Variants in CSGALNACT1 observed in about 807,000 individuals in gnomAD.
CSGALNACT1 encodes beta4GalNAcT-1.
A neutral mutation model predicts 51.0 loss-of-function variants in CSGALNACT1; 52 were observed. That is an observed-to-expected ratio of 1.02 (90% CI 0.82 to 1.29). The LOEUF (loss-of-function observed/expected upper bound fraction) is 1.29, where lower values mean the gene tolerates loss of function less well. CSGALNACT1 is among the 50% of genes most tolerant of loss of function. The pLI is 0.00. For synonymous variants in CSGALNACT1, 341 were observed against 254.4 expected, an observed-to-expected ratio of 1.34 and a Z score of -3.24; for missense variants, 935 against 679.2, an observed-to-expected ratio of 1.38 and a Z score of -4.19.
intron 3 of CSGALNACT1, among the ~76,000 whole-genome samples, chr8:19,574,289 A>G (rs562749888): frequency 2.6e-5 from 4 of 152,124 alleles, no homozygotes; most frequent in Non-Finnish European, 5.9e-5. Flanking sequence ...CCTGGAAACC[A>G]TCTCTCCTGC....
At chr8:19,598,582 G>A (rs150969279) in intron 2 of CSGALNACT1, among the ~76,000 whole-genome samples, 13 of 152,192 alleles carry the variant, frequency 8.5e-5, no homozygotes, top group East Asian at 3.9e-4. Flanking sequence ...AAATGATTGC[G>A]TCAGCTACTA....
upstream of CSGALNACT1, among the ~76,000 whole-genome samples, chr8:19,683,804 A>T (rs1425720744): frequency 6.7e-6 from 1 of 149,556 alleles, no homozygotes; most frequent in African/African-American, 2.5e-5. Context: ...AAGTCAAGAA[A>T]GTATTTTTTT....
intron 5 of CSGALNACT1, among the ~76,000 whole-genome samples, chr8:19,450,192 G>C (rs1423488055): frequency 2.5e-5 from 2 of 79,048 alleles, no homozygotes; most frequent in Admixed American, 2.5e-4. Context: ...AAGAGGGAGA[G>C]GGGGAGGGGA....
chr8:19,618,643 AAAAAAAAAAAAAAGAAAG>A (rs1484648427), intron 1 of CSGALNACT1, among the ~76,000 whole-genome samples: 1 of 147,532 alleles, frequency 6.8e-6, no homozygotes, highest in Non-Finnish European at 1.5e-5. Flanking sequence ...AAAAAAAAAA[AAAAAAAAAAAAAAGAAAG>A]AAAGAAAGAA....
At chr8:19,410,819 C>T (rs562457362) in intron 8 of CSGALNACT1, among the ~76,000 whole-genome samples, 18 of 152,324 alleles carry the variant, frequency 1.2e-4, no homozygotes, top group African/African-American at 3.4e-4. Flanking sequence ...TGTGGAAACT[C>T]ATCTGGTCAT....
chr8:19,688,415 G>T (rs1009655397), intron 1 of CSGALNACT1, among the ~76,000 whole-genome samples: 3 of 152,176 alleles, frequency 2.0e-5, no homozygotes, highest in African/African-American at 7.2e-5. Context: ...TGAAGGGGAA[G>T]GCAAGGGGTC....
intron 6 of CSGALNACT1, among the ~76,000 whole-genome samples, chr8:19,432,837 T>C (rs1364442984): frequency 2.0e-5 from 3 of 152,202 alleles, no homozygotes; most frequent in African/African-American, 7.2e-5. Context: ...GTTTTTCATA[T>C]ACTTCAGTTC....
chr8:19,708,234 C>T (rs990703996), intron 1 of CSGALNACT1, among the ~76,000 whole-genome samples: 17 of 152,104 alleles, frequency 1.1e-4, no homozygotes, highest in Admixed American at 3.9e-4. Context: ...TTCTTACATG[C>T]AAAGAAATGT....
At chr8:19,513,354 G>C (rs2078810574) in intron 3 of CSGALNACT1, among the ~76,000 whole-genome samples, 2 of 150,230 alleles carry the variant, frequency 1.3e-5, no homozygotes, top group Non-Finnish European at 3.0e-5. Flanking sequence ...ATGATTGAAA[G>C]ACCCTAACGC....
chr8:19,455,331 C>T (rs1016909756), intron 5 of CSGALNACT1, among the ~76,000 whole-genome samples: 1 of 152,144 alleles, frequency 6.6e-6, no homozygotes, highest in Non-Finnish European at 1.5e-5. Flanking sequence ...AAATACAAAT[C>T]GCTTCCAGTG....
Position 19,547,809 on chromosome 8 carries a change from A to G in CSGALNACT1, c.-296-41679T>C, listed in dbSNP as rs368217207. Among the ~76,000 whole-genome samples, 105 of 152,338 alleles carry G rather than the reference A, an allele frequency of 6.9e-4. 1 individual carries two copies. In the Middle Eastern group the frequency reaches 0.017, roughly 25 times the overall value. ...TGATTTGTACAATAAATTCCTTACTAGCAAGTAATACTGAGAAGTGAAAGA... is the reference window on the plus strand; with the variant it reads ...TGATTTGTACAATAAATTCCTTACTGGCAAGTAATACTGAGAAGTGAAAGA... On this transcript the variant is annotated intron_variant, in intron 3 of 9. Transcript: ENST00000454498.
intron 3 of CSGALNACT1, among the ~76,000 whole-genome samples, chr8:19,544,189 A>G (rs1196063352): frequency 2.0e-5 from 3 of 152,196 alleles, no homozygotes; most frequent in Non-Finnish European, 4.4e-5. Flanking sequence ...GAGCCTGAAT[A>G]ACAAATCTGT....
At chr8:19,516,003 G>C (rs1347064284) in intron 3 of CSGALNACT1, among the ~76,000 whole-genome samples, 4 of 152,130 alleles carry the variant, frequency 2.6e-5, no homozygotes, top group African/African-American at 9.7e-5. Flanking sequence ...GTGGGGCTGA[G>C]TCAGCTGCCA....
At chr8:19,670,650 C>CAA (rs752256046) in intron 1 of CSGALNACT1, among the ~76,000 whole-genome samples, 5,490 of 92,620 alleles carry the variant, frequency 0.059, 496 homozygotes, top group African/African-American at 0.18. Flanking sequence ...CTACTGAAGA[C>CAA]AAAAAAAAAA....
chr8:19,441,273 C>G (rs1351800319), intron 5 of CSGALNACT1, among the ~76,000 whole-genome samples: 1 of 152,168 alleles, frequency 6.6e-6, no homozygotes, highest in Non-Finnish European at 1.5e-5. Flanking sequence ...CAATCCTAAG[C>G]CAAAAGATCA....
chr8:19,536,695 G>C (rs1440932879), intron 3 of CSGALNACT1, among the ~76,000 whole-genome samples: 4 of 152,164 alleles, frequency 2.6e-5, no homozygotes, highest in African/African-American at 7.2e-5. Flanking sequence ...AAAAGAGCTA[G>C]AACAGCAAAT....
At chr8:19,667,709 G>A (rs2059492325) in intron 1 of CSGALNACT1, among the ~76,000 whole-genome samples, 1 of 152,146 alleles carries the variant, frequency 6.6e-6, no homozygotes, top group Non-Finnish European at 1.5e-5. Flanking sequence ...GAGCTGCAAA[G>A]GTCATTTGCT....
At chr8:19,438,135 G>A (rs779123136) in intron 6 of CSGALNACT1, among the ~76,000 whole-genome samples, 1 of 142,668 alleles carries the variant, frequency 7.0e-6, no homozygotes, top group Non-Finnish European at 1.5e-5. Flanking sequence ...AGGCTGTGAA[G>A]CCCAGCTGTA....
At chr8:19,484,511 CA>C (rs1422604405) in intron 4 of CSGALNACT1, among the ~76,000 whole-genome samples, 1 of 152,064 alleles carries the variant, frequency 6.6e-6, no homozygotes, top group Non-Finnish European at 1.5e-5. Flanking sequence ...CGGCAGAAGG[CA>C]AAGGAGAAGC....
Sources: gnomAD v4.1 joint callset for allele counts (sites outside exome capture counted in the v4.1 genomes callset) on GRCh38, gnomAD v4.1.1 for gene constraint, MANE v1.5 for transcripts, NCBI Gene and HGNC (gene_info 2026-07-23, HGNC 2026-07-21) for gene names.